PXT1: variants seen among roughly 807,000 people sequenced by gnomAD.
PXT1 encodes peroxisomal testis-specific protein 1.
PXT1 carries 11 observed loss-of-function variants against 11.0 expected under a neutral mutation model. The observed-to-expected ratio is 1.00, with a 90% CI of 0.63 to 1.66. PXT1 has a LOEUF of 1.66. PXT1 is among the 40% of genes most tolerant of loss of function. PXT1 has a pLI of 0.00. For missense variants in PXT1, 141 were observed against 155.5 expected, an observed-to-expected ratio of 0.91 and a Z score of 0.49; for synonymous variants, 43 against 51.4, an observed-to-expected ratio of 0.84 and a Z score of 0.70.
chr6:36,425,298 G>T (rs1774586960), intron 3 of PXT1, among the ~76,000 whole-genome samples: 1 of 151,990 alleles, frequency 6.6e-6, no homozygotes, highest in African/African-American at 2.4e-5. Flanking sequence ...CCAATTTAAA[G>T]ACTAATTTTT....
At chr6:36,433,669 A>G (rs543339008) in intron 2 of PXT1, among the ~76,000 whole-genome samples, 18 of 151,864 alleles carry the variant, frequency 1.2e-4, no homozygotes, top group Admixed American at 3.3e-4. Flanking sequence ...AATACAAAAA[A>G]AAAAAATTAG....
chr6:36,392,661 A>G (rs1184759625), intron 4 of PXT1, among the ~76,000 whole-genome samples: 1 of 151,936 alleles, frequency 6.6e-6, no homozygotes, highest in Non-Finnish European at 1.5e-5. Context: ...ATCCTGTCTC[A>G]ATAATAATAA....
chr6:36,413,900 G>A (rs1045169930), intron 3 of PXT1, among the ~76,000 whole-genome samples: 1 of 152,216 alleles, frequency 6.6e-6, no homozygotes, highest in African/African-American at 2.4e-5. Flanking sequence ...TCAAGAGGCT[G>A]AGGCAGAAGG....
chr6:36,436,173 A>AAGAAAAG (rs1774761784), intron 2 of PXT1, among the ~76,000 whole-genome samples: 1 of 151,836 alleles, frequency 6.6e-6, no homozygotes, highest in Non-Finnish European at 1.5e-5. Flanking sequence ...GGCACAAAAT[A>AAGAAAAG]AGAAAAGATA....
At chr6:36,433,215 A>G (rs1384816482) in intron 2 of PXT1, among the ~76,000 whole-genome samples, 2 of 152,192 alleles carry the variant, frequency 1.3e-5, no homozygotes, top group Non-Finnish European at 2.9e-5. Flanking sequence ...AAATACTTCA[A>G]AGAAATTATA....
intron 3 of PXT1, among the ~76,000 whole-genome samples, chr6:36,411,851 G>A (rs12206445): frequency 0.23 from 34,496 of 151,638 alleles, 4,091 homozygotes; most frequent in East Asian, 0.39. Flanking sequence ...CAGAGGCCGA[G>A]GTGAGAGGAT....
intron 3 of PXT1, among the ~76,000 whole-genome samples, chr6:36,407,534 T>C (rs960065629): frequency 5.3e-5 from 8 of 152,068 alleles, no homozygotes; most frequent in Non-Finnish European, 1.0e-4. Flanking sequence ...AAAGTCATAG[T>C]CTAAATGGCC....
chr6:36,426,032 A>G lies in PXT1; in HGVS notation c.51T>C (p.Asn17=). The G allele has an allele frequency of 6.5e-7, 1 of 1,527,894 alleles. No homozygotes were observed. Among genetic ancestry groups the G allele is most frequent in the Non-Finnish European group, 8.8e-7 (1 of 1,142,472 alleles). 94.6% of individuals were successfully genotyped at this position (1,527,894 alleles called of 1,614,324 possible). The change falls in exon 3 of 5, where the codon AAT becomes AAC. Residue 17 remains asparagine (N), a synonymous_variant. Transcript: ENST00000454782. ...GIVYETKEVL[N]PSPKVTHCCK... is the part of the protein sequence containing the mutation. ...AACAATGTGTTACTTTGGGAGATGG[A>G]TTGAGAACTTCTTTAGTTTCATAAA...
chr6:36,435,389 T>A (rs1038038630), intron 2 of PXT1, among the ~76,000 whole-genome samples: 4 of 151,660 alleles, frequency 2.6e-5, no homozygotes, highest in African/African-American at 9.7e-5. Flanking sequence ...TAGACCCCCA[T>A]CTCTACAAAA....
intron 3 of PXT1, among the ~76,000 whole-genome samples, chr6:36,424,475 A>C (rs985367771): frequency 6.6e-6 from 1 of 151,802 alleles, no homozygotes. Flanking sequence ...CCCCGTCTCT[A>C]CTAAAAATAC....
Position 36,426,032 on chromosome 6 carries a change from A to C in PXT1, c.51T>G (p.Asn17Lys). The C allele has an allele frequency of 6.5e-7, 1 of 1,527,894 alleles. No homozygotes were observed. Among genetic ancestry groups the C allele is most frequent in the Middle Eastern group, 1.7e-4 (1 of 5,970 alleles). The allele number at this position is 1,527,894 out of a possible 1,614,324, so 94.6% of individuals were successfully genotyped here. A position where few individuals can be genotyped will look rare whatever the true frequency, so the allele number is the denominator to read the frequency against. ...AACAATGTGTTACTTTGGGAGATGGATTGAGAACTTCTTTAGTTTCATAAA... is the reference window on the plus strand; with the variant it reads ...AACAATGTGTTACTTTGGGAGATGGCTTGAGAACTTCTTTAGTTTCATAAA... The part of the protein sequence containing the change: ...GIVYETKEVL[N>K]PSPKVTHCCK... Residue 17 changes from asparagine (N) to lysine (K), a missense_variant, in exon 3 of 5, where the codon AAT (asparagine) becomes AAG (lysine). Transcript: ENST00000454782.
intron 3 of PXT1, among the ~76,000 whole-genome samples, chr6:36,401,473 A>T (rs2395650): frequency 0.86 from 131,533 of 152,078 alleles, 57,313 homozygotes; most frequent in African/African-American, 0.97. Context: ...AAATTAGCTA[A>T]GTGTGGTGGC....
intron 2 of PXT1, among the ~76,000 whole-genome samples, chr6:36,432,160 TC>T (rs1774702279): frequency 6.6e-6 from 1 of 152,084 alleles, no homozygotes; most frequent in African/African-American, 2.4e-5. Flanking sequence ...GTCTAGATGG[TC>T]AGGAAGGACT....
intron 2 of PXT1, among the ~76,000 whole-genome samples, chr6:36,426,646 A>C (rs1774612530): frequency 6.6e-6 from 1 of 152,154 alleles, no homozygotes; most frequent in Non-Finnish European, 1.5e-5. Context: ...TTGGGATTAC[A>C]GGCGTGAGCC....
chr6:36,421,448 A>G (rs12201516), intron 3 of PXT1, among the ~76,000 whole-genome samples: 5,386 of 152,272 alleles, frequency 0.035, 149 homozygotes, highest in Non-Finnish European at 0.052. Context: ...GCAACTGAGT[A>G]AGACCCTGTC....
intron 2 of PXT1, among the ~76,000 whole-genome samples, chr6:36,426,368 T>C (rs1320449160): frequency 3.7e-5 from 2 of 53,614 alleles, no homozygotes; most frequent in Non-Finnish European, 6.2e-5. Flanking sequence ...TTTTTTTTTT[T>C]TTTTTTTTTT....
chr6:36,423,273 T>TA (rs1774548067), intron 3 of PXT1, among the ~76,000 whole-genome samples: 1 of 152,222 alleles, frequency 6.6e-6, no homozygotes, highest in Non-Finnish European at 1.5e-5. Flanking sequence ...GGACAGTACT[T>TA]AGGCATTTTC....
intron 3 of PXT1, among the ~76,000 whole-genome samples, chr6:36,417,217 G>A (rs1337763017): frequency 6.6e-6 from 1 of 151,488 alleles, no homozygotes; most frequent in Non-Finnish European, 1.5e-5. Flanking sequence ...CGTGGTGGCG[G>A]GCACCTGTAA....
intron 2 of PXT1, among the ~76,000 whole-genome samples, chr6:36,438,151 T>G (rs1168318272): frequency 2.6e-5 from 4 of 152,078 alleles, no homozygotes; most frequent in African/African-American, 4.8e-5. Context: ...GAGGCACATG[T>G]GTATCTTTTG....
Sources: allele counts gnomAD v4.1 joint callset (sites outside exome capture counted in the v4.1 genomes callset), GRCh38; gene constraint gnomAD v4.1.1; transcripts MANE v1.5; gene names NCBI Gene and HGNC (gene_info 2026-07-23, HGNC 2026-07-21).